CADPS: variants seen among roughly 807,000 people sequenced by gnomAD.
The protein encoded by CADPS is calcium dependent secretion activator.
CADPS carries 57 observed loss-of-function variants against 167.3 expected under a neutral mutation model. The observed-to-expected ratio is 0.34, with a 90% confidence interval of 0.28 to 0.42. The LOEUF (loss-of-function observed/expected upper bound fraction) is 0.42, where lower values mean the gene tolerates loss of function less well. Ranked by LOEUF, CADPS falls within the 20% of genes least tolerant of loss-of-function variation. CADPS has a pLI of 1.00. For synonymous variants in CADPS, 676 were observed against 635.3 expected, an observed-to-expected ratio of 1.06 and a Z score of -0.96; for missense variants, 1,414 against 1,738.1, an observed-to-expected ratio of 0.81 and a Z score of 3.32.
At chr3:62,865,405 A>G (rs982563931) in intron 1 of CADPS, among the ~76,000 whole-genome samples, 1 of 151,790 alleles carries the variant, frequency 6.6e-6, no homozygotes, top group African/African-American at 2.4e-5. Flanking sequence ...AAAAAAAAAA[A>G]AAAAGTTAAC....
At chr3:62,408,730 G>A (rs1203123969) in intron 28 of CADPS, among the ~76,000 whole-genome samples, 1 of 152,168 alleles carries the variant, frequency 6.6e-6, no homozygotes, top group African/African-American at 2.4e-5. Flanking sequence ...ACTGTTAATG[G>A]TACATTTGTT....
chr3:62,859,249 A>G (rs2080298022), intron 1 of CADPS, among the ~76,000 whole-genome samples: 1 of 152,174 alleles, frequency 6.6e-6, no homozygotes. Flanking sequence ...AAGTAAACAC[A>G]TATTATTAAT....
At chr3:62,553,938 A>G (rs1395395967) in intron 10 of CADPS, among the ~76,000 whole-genome samples, 1 of 152,204 alleles carries the variant, frequency 6.6e-6, no homozygotes, top group East Asian at 1.9e-4. Context: ...CAATTCAAAG[A>G]CAAAAAGACA....
intron 1 of CADPS, among the ~76,000 whole-genome samples, chr3:62,855,030 T>C (rs2079380631): frequency 6.6e-6 from 1 of 150,884 alleles, no homozygotes; most frequent in South Asian, 2.1e-4. Flanking sequence ...GTTCAAGCAA[T>C]TCCCATGCCT....
chr3:62,401,442 G>A (rs1013461008), intron 29 of CADPS, among the ~76,000 whole-genome samples: 5 of 152,120 alleles, frequency 3.3e-5, no homozygotes, highest in Non-Finnish European at 5.9e-5. Flanking sequence ...ACAAGTAGAG[G>A]CCCACCTAAT....
intron 3 of CADPS, among the ~76,000 whole-genome samples, chr3:62,747,640 G>C (rs944671250): frequency 6.6e-6 from 1 of 152,210 alleles, no homozygotes; most frequent in Non-Finnish European, 1.5e-5. Context: ...TAATGATAGA[G>C]AATCCAATAT....
intron 6 of CADPS, among the ~76,000 whole-genome samples, chr3:62,627,449 C>A (rs1276769088): frequency 6.6e-6 from 1 of 151,970 alleles, no homozygotes; most frequent in Non-Finnish European, 1.5e-5. Context: ...TGTTAGAAAG[C>A]AAATAAGACC....
intron 17 of CADPS, among the ~76,000 whole-genome samples, chr3:62,503,106 G>C (rs1164948217): frequency 1.3e-5 from 2 of 149,696 alleles, no homozygotes; most frequent in Admixed American, 1.4e-4. Flanking sequence ...AATACCAGAT[G>C]CTTTATCCAG....
chr3:62,561,568 C>G (rs1038392016), intron 9 of CADPS, among the ~76,000 whole-genome samples: 42 of 152,146 alleles, frequency 2.8e-4, no homozygotes, highest in African/African-American at 9.9e-4. Flanking sequence ...CCACACCTGG[C>G]CAGATATCTC....
At chr3:62,746,575 C>A (rs73102262) in intron 3 of CADPS, among the ~76,000 whole-genome samples, 20,588 of 152,118 alleles carry the variant, frequency 0.14, 1,505 homozygotes, top group South Asian at 0.17. Flanking sequence ...TGGCCTCAAG[C>A]AATCCTCCCT....
At chr3:62,566,863 A>G (rs2080316191) in intron 9 of CADPS, among the ~76,000 whole-genome samples, 1 of 152,156 alleles carries the variant, frequency 6.6e-6, no homozygotes, top group Admixed American at 6.5e-5. Context: ...TTTAAAGTTA[A>G]TGAGAATCAT....
intron 3 of CADPS, among the ~76,000 whole-genome samples, chr3:62,732,549 T>C (rs2078123459): frequency 6.6e-6 from 1 of 152,210 alleles, no homozygotes; most frequent in African/African-American, 2.4e-5. Flanking sequence ...AAGAAACATG[T>C]GTTGTTTCAA....
At position 62,631,586 on chromosome 3, in the gene CADPS, A is replaced by G. The variant is rs377060579; in HGVS notation, c.1325+14136T>C. On this transcript the variant is annotated intron_variant, in intron 6 of 29. Transcript: ENST00000383710. ...TTCCATGTACAAACACCACAGTGGA[A>G]TCTGCTTGCTTAGTTACATGAAGTA... is the stretch of plus-strand genomic sequence containing the variant. 5.3e-5 allele frequency among the ~76,000 whole-genome samples: 8 copies of G among 152,332 alleles called. No individual in the cohort carries two copies. The East Asian group carries it at 1.5e-3, about 29-fold the overall frequency.
At chr3:62,404,195 AG>A (rs762995521) in intron 28 of CADPS, 4 of 152,502 alleles carry the variant, frequency 2.6e-5, no homozygotes, top group Admixed American at 6.5e-5. Flanking sequence ...ATTTATTTAT[AG>A]GGGATCTATA....
chr3:62,425,610 G>A (rs929498673), intron 28 of CADPS, among the ~76,000 whole-genome samples: 2 of 152,068 alleles, frequency 1.3e-5, no homozygotes, highest in South Asian at 2.1e-4. Context: ...AAAATTACAC[G>A]CATATAAAAA....
chr3:62,482,798 G>A (rs921592326), intron 21 of CADPS, among the ~76,000 whole-genome samples: 1 of 152,126 alleles, frequency 6.6e-6, no homozygotes, highest in Admixed American at 6.6e-5. Context: ...TTCAATTTGT[G>A]AAAATTAATC....
chr3:62,480,924 T>C (rs924445583), intron 22 of CADPS, among the ~76,000 whole-genome samples: 1 of 152,204 alleles, frequency 6.6e-6, no homozygotes, highest in African/African-American at 2.4e-5. Flanking sequence ...CTAGAAGAAA[T>C]GGCTTCTCAA....
At chr3:62,782,346 T>C (rs1335738775) in intron 1 of CADPS, among the ~76,000 whole-genome samples, 1 of 152,204 alleles carries the variant, frequency 6.6e-6, no homozygotes, top group Non-Finnish European at 1.5e-5. Context: ...TGTTCAACTA[T>C]TTATTAAGCA....
At chr3:62,546,485 C>A (rs959745697) in intron 11 of CADPS, among the ~76,000 whole-genome samples, 10 of 152,110 alleles carry the variant, frequency 6.6e-5, no homozygotes, top group Non-Finnish European at 1.2e-4. Flanking sequence ...CTATTTAGTA[C>A]TGACGGTTTG....
Sources: gnomAD v4.1 joint callset for allele counts (sites outside exome capture counted in the v4.1 genomes callset) on GRCh38, gnomAD v4.1.1 for gene constraint, MANE v1.5 for transcripts, NCBI Gene and HGNC (gene_info 2026-07-23, HGNC 2026-07-21) for gene names.